Variants in ELP6 observed in about 807,000 individuals in gnomAD.
ELP6 encodes elongator complex protein 6.
Under a neutral mutation model 28.1 loss-of-function variants are expected in ELP6, and 23 were observed. The ratio of observed to expected loss-of-function variants is 0.82; its 90% confidence interval spans 0.59 to 1.16. The LOEUF (loss-of-function observed/expected upper bound fraction) is 1.16, where lower values mean the gene tolerates loss of function less well. Ranked by LOEUF, ELP6 falls within the 50% of genes most tolerant of loss-of-function variation. ELP6 has a pLI of 0.00. For synonymous variants in ELP6, 132 were observed against 135.8 expected, an observed-to-expected ratio of 0.97 and a Z score of 0.19; for missense variants, 313 against 334.6, an observed-to-expected ratio of 0.94 and a Z score of 0.50.
intron 3 of ELP6, among the ~76,000 whole-genome samples, chr3:47,506,591 T>C (rs1211221083): frequency 1.3e-5 from 2 of 152,252 alleles, no homozygotes; most frequent in Non-Finnish European, 2.9e-5. Context: ...AAGAGAAATA[T>C]GGCTCTGTTC....
intron 1 of ELP6, 98 bp downstream of exon 1, chr3:47,513,439 G>A (rs2029963321): frequency 1.3e-6 from 2 of 1,543,458 alleles, no homozygotes; most frequent in South Asian, 1.2e-5. Context: ...GTGCCGGGTC[G>A]TCGCGCCATT....
At chr3:47,498,744 G>A (rs1708553164) in intron 5 of ELP6, 1 of 983,466 alleles carries the variant, frequency 1.0e-6, no homozygotes, top group Admixed American at 6.2e-5. Flanking sequence ...CATCCTGCCA[G>A]GCAACCATTC....
At chr3:47,511,280 T>C in intron 1 of ELP6, 54 bp from the exon 2 acceptor site, 1 of 1,589,796 alleles carries the variant, frequency 6.3e-7, no homozygotes, top group Non-Finnish European at 8.6e-7. Context: ...GAGGTCAGCT[T>C]AGTGCAGAAA....
chr3:47,501,510 C>T, intron 5 of ELP6, 140 bp downstream of exon 5: 1 of 783,614 alleles, frequency 1.3e-6, no homozygotes, highest in Non-Finnish European at 2.1e-6. Flanking sequence ...AACAGGGTGG[C>T]TGCAAAAGCT....
intron 3 of ELP6, 60 bp downstream of exon 3, chr3:47,510,124 G>C (rs1161128113): frequency 1.2e-5 from 16 of 1,315,786 alleles, no homozygotes; most frequent in Non-Finnish European, 1.6e-5. Flanking sequence ...CCAAGCTTTA[G>C]ACCATGTGTG....
Position 47,512,759 on chromosome 3 carries a change from TAAG to T in ELP6, c.54+775_54+777del, listed in dbSNP as rs1409581400. 7.8e-5 allele frequency: 74 copies of T among 954,516 alleles called. No homozygotes were observed. In the East Asian group the frequency reaches 8.1e-4, roughly 10 times the overall value. 59.1% of individuals were successfully genotyped at this position (954,516 alleles called of 1,614,324 possible). ...TATTAGAGATCACAAGGAGGAAGAGTAAGAAGAACAGCAGCGTTCAATACAATG... is the reference window on the plus strand; with the variant it reads ...TATTAGAGATCACAAGGAGGAAGAGTAAGAACAGCAGCGTTCAATACAATG... On this transcript the variant is annotated intron_variant, in intron 1 of 6. Coordinates refer to ENST00000296149, the MANE Select transcript of ELP6 (RefSeq NM_001031703.3).
intron 3 of ELP6, among the ~76,000 whole-genome samples, chr3:47,507,855 C>G (rs895680993): frequency 1.3e-5 from 2 of 152,156 alleles, no homozygotes; most frequent in Admixed American, 1.3e-4. Flanking sequence ...CAATATGCCA[C>G]GAGTATAGAA....
chr3:47,505,447 T>C (rs1332974149), intron 3 of ELP6, among the ~76,000 whole-genome samples: 1 of 152,124 alleles, frequency 6.6e-6, no homozygotes, highest in Non-Finnish European at 1.5e-5. Context: ...CTCTATTGCC[T>C]AGGCTGGAGT....
intron 5 of ELP6, among the ~76,000 whole-genome samples, chr3:47,499,222 A>C (rs1708566456): frequency 6.6e-6 from 1 of 152,176 alleles, no homozygotes. Flanking sequence ...ATTTTTAAAG[A>C]ATAGTAATAA....
chr3:47,496,830 C>T (rs748078395), intron 6 of ELP6: 27 of 985,140 alleles, frequency 2.7e-5, no homozygotes, highest in Non-Finnish European at 3.1e-5. Context: ...TTTGTACTTG[C>T]GGGCTAGACT....
In ELP6 at chr3:47,513,706, C is replaced by T. The variant is rs1246285021; in HGVS notation, c.-116G>A. On this transcript the variant is annotated 5_prime_UTR_variant, in exon 1 of 7. Coordinates refer to ENST00000296149, the MANE Select transcript of ELP6 (RefSeq NM_001031703.3). Reference sequence around the variant, plus strand: ...GCTCGCGCAAGGAAGCGCGCATGCGCAATGCCACTTTTGCGAGCCAGCCAC... The same window carrying T: ...GCTCGCGCAAGGAAGCGCGCATGCGTAATGCCACTTTTGCGAGCCAGCCAC... 8.9e-6 allele frequency: 12 copies of T among 1,344,844 alleles called. No homozygotes were observed. The highest frequency in any genetic ancestry group is 8.8e-5 in the African/African-American group (6 of 67,904). The allele number at this position is 1,344,844 out of a possible 1,614,324, so 83.3% of individuals were successfully genotyped here. A position where few individuals can be genotyped will look rare whatever the true frequency, so the allele number is the denominator to read the frequency against.
At chr3:47,513,198 G>T in intron 1 of ELP6, 1 of 1,086,388 alleles carries the variant, frequency 9.2e-7, no homozygotes. Context: ...CACCATCTTG[G>T]CCAGACTTGT....
chr3:47,499,666 C>T, intron 5 of ELP6: 2 of 863,628 alleles, frequency 2.3e-6, no homozygotes, highest in Non-Finnish European at 2.8e-6. Flanking sequence ...GCACTCTAGC[C>T]TGGGCAACAA....
At chr3:47,513,043 T>C in intron 1 of ELP6, 1 of 976,888 alleles carries the variant, frequency 1.0e-6, no homozygotes, top group Admixed American at 6.5e-5. Context: ...CAGGCTGGAG[T>C]GCGGTGGCGA....
chr3:47,496,786 GC>G, intron 6 of ELP6: 2 of 985,300 alleles, frequency 2.0e-6, no homozygotes, highest in Non-Finnish European at 2.4e-6. Context: ...GAGCCACTGT[GC>G]CCGGTCCCTT....
In ELP6 at chr3:47,502,146, A is replaced by C. The variant is rs1036331392; in HGVS notation, c.324-295T>G. On this transcript the variant is annotated intron_variant, in intron 4 of 6. Coordinates refer to ENST00000296149, the MANE Select transcript of ELP6 (RefSeq NM_001031703.3). ...ATACGTAGCTGGGTGCAGTGGCTCA[A>C]ACCTGTAATCCCAGCACTTTGTGAG... Among the ~76,000 whole-genome samples the C allele has an allele frequency of 5.3e-5, 8 of 152,204 alleles. 1 individual carries two copies. Among genetic ancestry groups the C allele is most frequent in the Admixed American group, 3.3e-4 (5 of 15,264 alleles).
chr3:47,505,572 A>G (rs1708808835), intron 3 of ELP6, among the ~76,000 whole-genome samples: 1 of 151,384 alleles, frequency 6.6e-6, no homozygotes, highest in Admixed American at 6.6e-5. Flanking sequence ...GCTAATATTT[A>G]TTTATTTATT....
chr3:47,513,509 C>G, intron 1 of ELP6, 28 bp downstream of exon 1: 1 of 1,608,680 alleles, frequency 6.2e-7, no homozygotes, highest in Non-Finnish European at 8.5e-7. Flanking sequence ...CCAGGTCCCG[C>G]CCCCTTCCGG....
rs1412289331 is a variant in ELP6 at position 47,504,400 on chromosome 3, C to A, written c.253G>T (p.Glu85Ter). The A allele has an allele frequency of 1.2e-6, 2 of 1,609,490 alleles. No individual in the cohort carries two copies. The highest frequency in any genetic ancestry group is 1.7e-6 in the Non-Finnish European group (2 of 1,177,650). Residue 85 changes from glutamate to a stop codon, truncating the protein, a stop_gained, in exon 4 of 7, where the codon GAG (glutamate) becomes TAG (stop). Coordinates refer to ENST00000296149, the MANE Select transcript of ELP6 (RefSeq NM_001031703.3). LOFTEE classifies it high-confidence loss of function. ...ACGTCCACTGCAGACTTGAGTCCCT[C>A]AAGGAACACAAGCTGCCCACGCTCC... ...ARERGQLVFL[E>*]GLKSAVDVVF...
Sources: gnomAD v4.1 joint callset for allele counts (sites outside exome capture counted in the v4.1 genomes callset) on GRCh38, gnomAD v4.1.1 for gene constraint, MANE v1.5 for transcripts, NCBI Gene and HGNC (gene_info 2026-07-23, HGNC 2026-07-21) for gene names.